PDLIM1: variants seen among roughly 807,000 people sequenced by gnomAD.
PDLIM1 encodes the protein PDZ and LIM domain 1.
PDLIM1 carries 25 observed loss-of-function variants against 35.2 expected under a neutral mutation model. The ratio of observed to expected loss-of-function variants is 0.71; its 90% CI spans 0.52 to 0.99. The LOEUF (loss-of-function observed/expected upper bound fraction) is 0.99. PDLIM1 is among the 50% of genes least tolerant of loss of function. The pLI is 0.00. For synonymous variants in PDLIM1, 152 were observed against 154.0 expected (o/e 0.99, Z 0.10); for missense variants, 363 against 415.3 (o/e 0.87, Z 1.09).
At chr10:95,256,475 T>C (rs1483650838) in intron 4 of PDLIM1, among the ~76,000 whole-genome samples, 2 of 152,182 alleles carry the variant, frequency 1.3e-5, no homozygotes, top group African/African-American at 4.8e-5. Flanking sequence ...CAAAACAGTA[T>C]GGTACTAGCA....
chr10:95,274,475 G>T (rs1369018471), intron 1 of PDLIM1, among the ~76,000 whole-genome samples: 1 of 151,680 alleles, frequency 6.6e-6, no homozygotes, highest in Non-Finnish European at 1.5e-5. Context: ...TGTATTTTTA[G>T]AAGAGATGGG....
intron 5 of PDLIM1, among the ~76,000 whole-genome samples, chr10:95,242,484 C>T (rs1237255458): frequency 1.3e-5 from 2 of 151,892 alleles, no homozygotes; most frequent in Admixed American, 6.6e-5. Context: ...GTCAGGAGTT[C>T]GAGACCAGCC....
At chr10:95,257,161 A>C (rs2035323472) in intron 4 of PDLIM1, among the ~76,000 whole-genome samples, 1 of 151,946 alleles carries the variant, frequency 6.6e-6, no homozygotes. Flanking sequence ...TGGGAGGCCA[A>C]GGTAGGAGAA....
intron 1 of PDLIM1, among the ~76,000 whole-genome samples, chr10:95,278,635 A>T (rs902352004): frequency 1.3e-5 from 2 of 152,028 alleles, no homozygotes; most frequent in Non-Finnish European, 2.9e-5. Flanking sequence ...AAAAGAAAAG[A>T]AAAGAAAGAA....
At chr10:95,238,196 G>T in intron 6 of PDLIM1, 85 bp from the exon 7 acceptor site, 1 of 1,245,650 alleles carries the variant, frequency 8.0e-7, no homozygotes, top group Non-Finnish European at 1.1e-6. Flanking sequence ...TCCTTCCTGA[G>T]CAGGGGCCTG....
chr10:95,247,820 T>G (rs1440009328), intron 4 of PDLIM1, among the ~76,000 whole-genome samples: 2 of 152,252 alleles, frequency 1.3e-5, no homozygotes, highest in African/African-American at 4.8e-5. Flanking sequence ...GATCTCACAG[T>G]GCTTTCCCTG....
chr10:95,240,302 T>TATGCAGCCATAA (rs1180238232), intron 5 of PDLIM1, among the ~76,000 whole-genome samples: 2 of 152,250 alleles, frequency 1.3e-5, no homozygotes, highest in Non-Finnish European at 2.9e-5. Flanking sequence ...CAGGGAATAC[T>TATGCAGCCATAA]ATGCAGCCAT....
chr10:95,249,282 A>C (rs778573141), intron 4 of PDLIM1, among the ~76,000 whole-genome samples: 4 of 152,236 alleles, frequency 2.6e-5, no homozygotes, highest in African/African-American at 9.6e-5. Flanking sequence ...GGACATGGGC[A>C]GCCCCACCTC....
intron 5 of PDLIM1, among the ~76,000 whole-genome samples, chr10:95,241,637 G>A (rs150398807): frequency 9.4e-4 from 143 of 152,290 alleles, no homozygotes; most frequent in African/African-American, 3.3e-3. Flanking sequence ...CCCTGCTCTC[G>A]ATGGAGTAGA....
At chr10:95,263,732 C>T (rs2035386030) in intron 4 of PDLIM1, 132 bp downstream of exon 4, 6 of 620,500 alleles carry the variant, frequency 9.7e-6, no homozygotes, top group South Asian at 2.1e-5. Context: ...AAAATGAACA[C>T]AGAAGTGTTC....
intron 1 of PDLIM1, among the ~76,000 whole-genome samples, chr10:95,289,244 A>G (rs1430516769): frequency 6.6e-6 from 1 of 152,256 alleles, no homozygotes; most frequent in Non-Finnish European, 1.5e-5. Context: ...TGAAATGTGC[A>G]GACACAATGT....
At chr10:95,244,485 A>G (rs2035202696) in intron 5 of PDLIM1, among the ~76,000 whole-genome samples, 1 of 152,218 alleles carries the variant, frequency 6.6e-6, no homozygotes, top group Non-Finnish European at 1.5e-5. Flanking sequence ...CAGATCCTGG[A>G]TGCCAGTGCT....
chr10:95,264,000 A>C lies in PDLIM1; in HGVS notation c.397T>G (p.Ser133Ala). Residue 133 changes from serine (S) to alanine (A), a missense_variant, in exon 4 of 7, where the codon TCC becomes GCC. Coordinates refer to ENST00000329399, the MANE Select transcript of PDLIM1 (RefSeq NM_020992.4). ...SAMPFTASPASSTTARVITNQ... is the reference protein window; with the variant it reads ...SAMPFTASPAASTTARVITNQ... ...GTGATGACCCTGGCAGTAGTGCTGG[A>C]GGCAGGCGAGGCGGTAAAGGGCATG... 6.2e-7 allele frequency: 1 copy of C among 1,613,812 alleles called. No individual in the cohort carries two copies. The highest frequency in any genetic ancestry group is 8.5e-7 in the Non-Finnish European group (1 of 1,179,858).
intron 4 of PDLIM1, among the ~76,000 whole-genome samples, chr10:95,248,712 T>C (rs2035243304): frequency 6.6e-6 from 1 of 152,254 alleles, no homozygotes; most frequent in Non-Finnish European, 1.5e-5. Flanking sequence ...CCCTCACATA[T>C]GTGACCCAAA....
At chr10:95,247,467 A>T in intron 4 of PDLIM1, 101 bp from the exon 5 acceptor site, 1 of 936,326 alleles carries the variant, frequency 1.1e-6, no homozygotes, top group African/African-American at 1.6e-5. Context: ...TGAAGGATGG[A>T]TAGAAATGAT....
intron 5 of PDLIM1, among the ~76,000 whole-genome samples, chr10:95,239,280 T>C (rs905885598): frequency 2.6e-5 from 4 of 152,188 alleles, no homozygotes; most frequent in South Asian, 2.1e-4. Context: ...ATTCAGGACA[T>C]GGGCATGGGC....
Position 95,238,157 on chromosome 10 carries a change from TGCAGGTGGCACCTGA to T in PDLIM1, c.804-61_804-47del, listed in dbSNP as rs759668682. On this transcript the variant is annotated intron_variant, in intron 6 of 6. Coordinates refer to ENST00000329399, the MANE Select transcript of PDLIM1 (RefSeq NM_020992.4). ...AGGGACTCCATCAGTGACAAGCACC[TGCAGGTGGCACCTGA>T]GCAGGTGGCACCATCCTTCCTGAGC... is the stretch of plus-strand genomic sequence containing the variant. The T allele has an allele frequency of 3.6e-5, 56 of 1,564,410 alleles. No homozygotes were observed. In the Admixed American group the frequency reaches 6.0e-4, roughly 17 times the overall value.
At chr10:95,288,215 G>T (rs1328337762) in intron 1 of PDLIM1, among the ~76,000 whole-genome samples, 1 of 152,140 alleles carries the variant, frequency 6.6e-6, no homozygotes, top group Non-Finnish European at 1.5e-5. Flanking sequence ...AAGTACATAA[G>T]ATTAGCATTA....
At chr10:95,268,365 A>G (rs771396768) in intron 3 of PDLIM1, among the ~76,000 whole-genome samples, 5 of 152,174 alleles carry the variant, frequency 3.3e-5, no homozygotes, top group South Asian at 2.1e-4. Flanking sequence ...AGGGCTTCCT[A>G]TTACATATTC....
Sources: gnomAD v4.1 joint callset for allele counts (sites outside exome capture counted in the v4.1 genomes callset) on GRCh38, gnomAD v4.1.1 for gene constraint, MANE v1.5 for transcripts, NCBI Gene and HGNC (gene_info 2026-07-23, HGNC 2026-07-21) for gene names.